The following TENM3 variants were observed in gnomAD, a reference collection of about 807,000 sequenced individuals.
TENM3 encodes the protein teneurin transmembrane protein 3, also known as teneurin-3.
Under a neutral mutation model 255.1 loss-of-function variants are expected in TENM3, and 63 were observed. That is an observed-to-expected ratio of 0.25 (90% CI 0.20 to 0.30). The LOEUF is 0.30. Ranked by LOEUF, TENM3 falls within the 10% of genes least tolerant of loss-of-function variation. TENM3 has a pLI of 1.00. For synonymous variants in TENM3, 1,306 were observed against 1,322.3 expected (o/e 0.99, Z 0.27); for missense variants, 2,929 against 3,461.1 (o/e 0.85, Z 3.86).
At chr4:181,597,287 A>T in the TENM3 span, among the ~76,000 whole-genome samples, 1 of 152,212 alleles carries the variant, frequency 6.6e-6, no homozygotes, top group South Asian at 2.1e-4. Flanking sequence ...ACTTAACTCT[A>T]AATCAAATTT....
At position 182,444,812 on chromosome 4, in the gene TENM3, G is replaced by A. The variant is rs1328156726; in HGVS notation, c.511+97883G>A. On this transcript the variant is annotated intron_variant, in intron 3 of 27. Transcript: ENST00000511685. ...AACAACCAGCTTTCTTTTTTGTTGC[G>A]ATGGAGTTTTGCTCTTCCTGCCCAG... 4.6e-5 allele frequency among the ~76,000 whole-genome samples: 7 copies of A among 152,050 alleles called. No individual in the cohort carries two copies. In the East Asian group the frequency reaches 5.8e-4, roughly 13 times the overall value.
At chr4:181,849,949 T>TCTCTCTCTCTCTCACACACACACACACA in the TENM3 span, among the ~76,000 whole-genome samples, 4 of 65,956 alleles carry the variant, frequency 6.1e-5, no homozygotes, top group Non-Finnish European at 6.6e-5. Flanking sequence ...TCTCTCTCTC[T>TCTCTCTCTCTCTCACACACACACACACA]CACACACACA....
chr4:182,742,454 T>C (rs6552604), intron 18 of TENM3, among the ~76,000 whole-genome samples: 108,402 of 152,110 alleles, frequency 0.71, 39,526 homozygotes, highest in East Asian at 0.95. Context: ...ATTCTCCTAT[T>C]GGATGAGAGT....
intron 24 of TENM3, among the ~76,000 whole-genome samples, chr4:182,779,228 C>T (rs1368171200): frequency 2.6e-5 from 4 of 151,156 alleles, no homozygotes; most frequent in African/African-American, 4.9e-5. Context: ...CCACAACAGT[C>T]CCCAGAGTGT....
chr4:181,849,020 A>T, the TENM3 span, among the ~76,000 whole-genome samples: 1 of 152,196 alleles, frequency 6.6e-6, no homozygotes, highest in Non-Finnish European at 1.5e-5. Flanking sequence ...CTACAGATGG[A>T]TAAGCAGAAA....
At chr4:181,769,889 T>TTA in the TENM3 span, among the ~76,000 whole-genome samples, 2 of 152,214 alleles carry the variant, frequency 1.3e-5, no homozygotes, top group African/African-American at 4.8e-5. Flanking sequence ...GTCTATTAAA[T>TTA]TTATAGAGCC....
chr4:182,553,627 C>T (rs898167491), intron 3 of TENM3, among the ~76,000 whole-genome samples: 3 of 152,044 alleles, frequency 2.0e-5, no homozygotes, highest in Non-Finnish European at 1.5e-5. Context: ...GTTTCCTATT[C>T]CTTTGCTCGG....
intron 1 of TENM3, among the ~76,000 whole-genome samples, chr4:182,254,715 T>A (rs987971464): frequency 2.6e-5 from 4 of 152,216 alleles, no homozygotes; most frequent in African/African-American, 9.6e-5. Flanking sequence ...CATAACCTAT[T>A]ATTTTCTTGA....
intron 3 of TENM3, among the ~76,000 whole-genome samples, chr4:182,376,006 GATTTATACACTTGCATAACTGGAA>G (rs150982779): frequency 0.04 from 6,038 of 152,112 alleles, 380 homozygotes; most frequent in African/African-American, 0.14. Flanking sequence ...TTTCCTAAAT[GATTTATACACTTGCATAACTGGAA>G]ATTTTAAACA....
At chr4:182,277,683 G>A (rs1760098830) in intron 1 of TENM3, among the ~76,000 whole-genome samples, 1 of 152,168 alleles carries the variant, frequency 6.6e-6, no homozygotes, top group African/African-American at 2.4e-5. Flanking sequence ...GACAAAATAG[G>A]ATAGAGTCCC....
At chr4:181,473,713 A>T in the TENM3 span, among the ~76,000 whole-genome samples, 2 of 151,938 alleles carry the variant, frequency 1.3e-5, no homozygotes, top group East Asian at 3.9e-4. Flanking sequence ...TTTTCAATAT[A>T]TATCTCTAGC....
chr4:181,546,679 A>C, the TENM3 span, among the ~76,000 whole-genome samples: 1 of 139,824 alleles, frequency 7.2e-6, no homozygotes, highest in Non-Finnish European at 1.5e-5. Flanking sequence ...GCGCCACTGC[A>C]CTCCAGCCTG....
At chr4:182,638,165 A>G (rs1188373891) in intron 5 of TENM3, among the ~76,000 whole-genome samples, 1 of 152,098 alleles carries the variant, frequency 6.6e-6, no homozygotes, top group South Asian at 2.1e-4. Flanking sequence ...CAAGAATCCC[A>G]TAGTCTCTTT....
At chr4:182,780,705 A>G (rs905387928) in intron 24 of TENM3, among the ~76,000 whole-genome samples, 3 of 150,886 alleles carry the variant, frequency 2.0e-5, no homozygotes, top group Admixed American at 2.0e-4. Flanking sequence ...ATGTTCTTCC[A>G]TTTGTTTGTA....
the TENM3 span, among the ~76,000 whole-genome samples, chr4:181,972,283 G>A: frequency 6.6e-6 from 1 of 151,850 alleles, no homozygotes; most frequent in East Asian, 2.0e-4. Flanking sequence ...GCCAGGCATG[G>A]TGGTGCATGC....
the TENM3 span, among the ~76,000 whole-genome samples, chr4:181,711,738 T>C: frequency 6.6e-6 from 1 of 152,140 alleles, no homozygotes; most frequent in African/African-American, 2.4e-5. Flanking sequence ...GCACAGACCT[T>C]GAAGGTAGTT....
At chr4:181,589,914 C>T in the TENM3 span, among the ~76,000 whole-genome samples, 1 of 152,252 alleles carries the variant, frequency 6.6e-6, no homozygotes, top group African/African-American at 2.4e-5. Flanking sequence ...ATGTTATCTC[C>T]TGCTTTTACG....
the TENM3 span, among the ~76,000 whole-genome samples, chr4:181,799,794 G>A: frequency 3.6e-3 from 541 of 152,286 alleles, 4 homozygotes; most frequent in African/African-American, 0.01. Context: ...GCTCTAGTGC[G>A]GCATCTTTGA....
At chr4:181,604,019 C>T in the TENM3 span, among the ~76,000 whole-genome samples, 4 of 152,102 alleles carry the variant, frequency 2.6e-5, no homozygotes, top group Non-Finnish European at 4.4e-5. Flanking sequence ...AATCCCAGCA[C>T]TTTGGGAGGC....
Sources: gnomAD v4.1 joint callset for allele counts (sites outside exome capture counted in the v4.1 genomes callset) on GRCh38, gnomAD v4.1.1 for gene constraint, MANE v1.5 for transcripts, NCBI Gene and HGNC (gene_info 2026-07-23, HGNC 2026-07-21) for gene names.